THSD7A: variants seen among roughly 807,000 people sequenced by gnomAD.
THSD7A encodes thrombospondin type-1 domain-containing protein 7A.
In THSD7A, 96 loss-of-function variants were observed where a neutral mutation model predicts 231.3. The ratio of observed to expected loss-of-function variants is 0.41; its 90% confidence interval spans 0.35 to 0.49. THSD7A has a LOEUF of 0.49. Ranked by LOEUF, THSD7A falls within the 20% of genes least tolerant of loss-of-function variation. The pLI is 0.05. For synonymous variants in THSD7A, 940 were observed against 743.3 expected, an observed-to-expected ratio of 1.26 and a Z score of -4.30; for missense variants, 2,290 against 2,070.2, an observed-to-expected ratio of 1.11 and a Z score of -2.06.
chr7:11,586,272 A>T (rs1373116030), intron 4 of THSD7A, among the ~76,000 whole-genome samples: 1 of 152,220 alleles, frequency 6.6e-6, no homozygotes, highest in Non-Finnish European at 1.5e-5. Flanking sequence ...CCTGTGATTT[A>T]CATCTACATA....
At chr7:11,400,180 A>C in intron 23 of THSD7A, among the ~76,000 whole-genome samples, 1 of 109,478 alleles carries the variant, frequency 9.1e-6, no homozygotes, top group South Asian at 3.8e-4. Flanking sequence ...GGGAGGGGGG[A>C]GGGATAGCAT....
At chr7:11,826,342 A>T (rs1041691274) in intron 1 of THSD7A, among the ~76,000 whole-genome samples, 1 of 152,208 alleles carries the variant, frequency 6.6e-6, no homozygotes, top group Non-Finnish European at 1.5e-5. Context: ...AAATTCAATT[A>T]CTTCATTAAG....
intron 1 of THSD7A, among the ~76,000 whole-genome samples, chr7:11,771,428 A>G (rs905608366): frequency 6.6e-6 from 1 of 152,156 alleles, no homozygotes; most frequent in Non-Finnish European, 1.5e-5. Context: ...AATTAAATAA[A>G]TAGAAAATAA....
At chr7:11,565,579 G>A (rs904893065) in intron 4 of THSD7A, among the ~76,000 whole-genome samples, 1 of 151,922 alleles carries the variant, frequency 6.6e-6, no homozygotes, top group South Asian at 2.1e-4. Context: ...AATATTGAAA[G>A]CAGAGTCAGG....
At chr7:11,627,862 T>A (rs1781522792) in intron 2 of THSD7A, among the ~76,000 whole-genome samples, 1 of 152,086 alleles carries the variant, frequency 6.6e-6, no homozygotes, top group Admixed American at 6.6e-5. Flanking sequence ...AGAAAATGTA[T>A]GCGCTCCCCT....
intron 1 of THSD7A, among the ~76,000 whole-genome samples, chr7:11,669,894 C>T (rs1783306719): frequency 6.6e-6 from 1 of 152,012 alleles, no homozygotes; most frequent in Non-Finnish European, 1.5e-5. Context: ...TTTGTTGCCT[C>T]ACTGAAGCCA....
At chr7:11,801,141 AT>A (rs201353228) in intron 1 of THSD7A, among the ~76,000 whole-genome samples, 8 of 151,580 alleles carry the variant, frequency 5.3e-5, no homozygotes, top group Admixed American at 2.0e-4. Context: ...TTCAAAAAAA[AT>A]TTTTTTTTAA....
At chr7:11,749,894 A>G (rs1314959190) in intron 1 of THSD7A, among the ~76,000 whole-genome samples, 8 of 152,036 alleles carry the variant, frequency 5.3e-5, no homozygotes, top group Non-Finnish European at 1.2e-4. Context: ...CATGGGTTAC[A>G]TTGCATAGCA....
chr7:11,792,319 G>T (rs1487698045), intron 1 of THSD7A, among the ~76,000 whole-genome samples: 2 of 151,928 alleles, frequency 1.3e-5, no homozygotes, highest in Non-Finnish European at 2.9e-5. Flanking sequence ...TCTGCCTAAA[G>T]CATAAATCTA....
At chr7:11,622,349 G>T (rs1781338841) in intron 2 of THSD7A, among the ~76,000 whole-genome samples, 1 of 151,656 alleles carries the variant, frequency 6.6e-6, no homozygotes, top group African/African-American at 2.4e-5. Flanking sequence ...TTATTTTAAG[G>T]CCATTATTTA....
intron 11 of THSD7A, among the ~76,000 whole-genome samples, chr7:11,452,155 C>T (rs1785167080): frequency 6.6e-6 from 1 of 151,912 alleles, no homozygotes. Context: ...AGAAGATGAT[C>T]AGCTCATTAA....
chr7:11,629,100 G>C (rs1439532005), intron 2 of THSD7A, among the ~76,000 whole-genome samples: 1 of 152,126 alleles, frequency 6.6e-6, no homozygotes, highest in Non-Finnish European at 1.5e-5. Context: ...GCCAGGAACA[G>C]ACAGGAATAG....
intron 1 of THSD7A, among the ~76,000 whole-genome samples, chr7:11,641,448 G>A (rs1782077426): frequency 6.6e-6 from 1 of 152,010 alleles, no homozygotes; most frequent in African/African-American, 2.4e-5. Context: ...ATATAGATAA[G>A]GCACAAGAGT....
intron 1 of THSD7A, among the ~76,000 whole-genome samples, chr7:11,744,681 G>A (rs2128162240): frequency 6.8e-6 from 1 of 146,466 alleles, no homozygotes; most frequent in Middle Eastern, 3.7e-3. Context: ...CTATGAGTGA[G>A]AACATGCGGT....
At chr7:11,782,912 C>A (rs572454345) in intron 1 of THSD7A, among the ~76,000 whole-genome samples, 8 of 152,202 alleles carry the variant, frequency 5.3e-5, no homozygotes, top group African/African-American at 1.7e-4. Flanking sequence ...TTACTTGAAT[C>A]TTAATTATGA....
chr7:11,668,310 CG>C (rs1005428670), intron 1 of THSD7A, among the ~76,000 whole-genome samples: 2 of 151,846 alleles, frequency 1.3e-5, no homozygotes, highest in African/African-American at 4.8e-5. Context: ...CCCAGCTTCT[CG>C]GGAGACTGAG....
At chr7:11,797,398 C>A (rs911323495) in intron 1 of THSD7A, among the ~76,000 whole-genome samples, 22 of 137,364 alleles carry the variant, frequency 1.6e-4, no homozygotes, top group Middle Eastern at 7.4e-3. Flanking sequence ...TCTTTGCTTT[C>A]TTTCTGCCTC....
chr7:11,611,840 G>GTCTGTCTA (rs1554349790), intron 2 of THSD7A, among the ~76,000 whole-genome samples: 26 of 139,530 alleles, frequency 1.9e-4, no homozygotes, highest in Non-Finnish European at 2.5e-4. Context: ...ACTATCATCT[G>GTCTGTCTA]TCTATCTATC....
intron 13 of THSD7A, among the ~76,000 whole-genome samples, chr7:11,432,687 T>C (rs1027424419): frequency 1.3e-5 from 2 of 152,082 alleles, no homozygotes; most frequent in African/African-American, 4.8e-5. Flanking sequence ...TGTGTGAATA[T>C]ACTATGACTT....
Sources: allele counts gnomAD v4.1 joint callset (sites outside exome capture counted in the v4.1 genomes callset), GRCh38; gene constraint gnomAD v4.1.1; transcripts MANE v1.5; gene names NCBI Gene and HGNC (gene_info 2026-07-23, HGNC 2026-07-21).